YTHDC2: variants seen among roughly 807,000 people sequenced by gnomAD.
The protein encoded by YTHDC2 is YTH N6-methyladenosine RNA binding protein C2.
In YTHDC2, 45 loss-of-function variants were observed where a neutral mutation model predicts 174.9. The observed-to-expected ratio is 0.26, with a 90% CI of 0.20 to 0.33. The LOEUF (loss-of-function observed/expected upper bound fraction) is 0.33. YTHDC2 is among the 10% of genes least tolerant of loss of function. The probability of loss-of-function intolerance (pLI) is 1.00; values close to 1 mark genes in which losing one functional copy is unlikely to be tolerated. For missense variants in YTHDC2, 1,650 were observed against 1,723.7 expected (o/e 0.96, Z 0.76); for synonymous variants, 657 against 574.5 (o/e 1.14, Z -2.05).
intron 2 of YTHDC2, among the ~76,000 whole-genome samples, chr5:113,523,707 A>G (rs370461658): frequency 2.6e-5 from 4 of 152,132 alleles, no homozygotes; most frequent in African/African-American, 9.6e-5. Context: ...AAAAACCTTG[A>G]TAAATTGGAA....
chr5:113,524,006 A>C (rs1426248302), intron 2 of YTHDC2, among the ~76,000 whole-genome samples: 1 of 152,126 alleles, frequency 6.6e-6, no homozygotes. Context: ...ATTTATTTAG[A>C]GTCTACTCTG....
chr5:113,514,245 C>G, intron 1 of YTHDC2, 163 bp downstream of exon 1: 3 of 867,108 alleles, frequency 3.5e-6, no homozygotes, highest in Non-Finnish European at 5.6e-6. Flanking sequence ...GGGTCTGGAA[C>G]GCGGCTGTTG....
At chr5:113,560,978 T>C (rs1353157498) in intron 17 of YTHDC2, 102 bp from the exon 18 acceptor site, 1 of 982,682 alleles carries the variant, frequency 1.0e-6, no homozygotes. Context: ...TCAGGTATCC[T>C]GATCCTGGAT....
chr5:113,548,899 C>A, intron 11 of YTHDC2, 56 bp from the exon 12 acceptor site: 1 of 1,534,132 alleles, frequency 6.5e-7, no homozygotes, highest in Non-Finnish European at 8.9e-7. Flanking sequence ...CCAGGCTCAT[C>A]ATGAACTAGT....
chr5:113,574,513 C>G (rs767669949), intron 23 of YTHDC2, among the ~76,000 whole-genome samples: 148 of 152,162 alleles, frequency 9.7e-4, no homozygotes, highest in Non-Finnish European at 1.8e-3. Context: ...GGTGGGAACC[C>G]TTCCTCATCC....
intron 12 of YTHDC2, 68 bp downstream of exon 12, chr5:113,549,088 T>C: frequency 7.4e-7 from 1 of 1,356,754 alleles, no homozygotes; most frequent in South Asian, 1.2e-5. Flanking sequence ...ATATAAATTA[T>C]GGGCTATTCA....
chr5:113,531,429 A>G (rs994793012), intron 4 of YTHDC2, among the ~76,000 whole-genome samples: 9 of 152,116 alleles, frequency 5.9e-5, no homozygotes, highest in Non-Finnish European at 4.4e-5. Flanking sequence ...CTAGAGGGTA[A>G]TTGACATTGC....
Position 113,513,947 on chromosome 5 carries a change from G to A in YTHDC2, c.52G>A (p.Gly18Arg), listed in dbSNP as rs1209929997. The change falls in exon 1 of 30, where the codon GGA becomes AGA. Residue 18 changes from glycine to arginine, a missense_variant. Transcript: ENST00000161863. ...SPRQPAPGGG[G>R]GGGPSPCGPG... ...GCGGCAGCCGGCTCCTGGCGGTGGC[G>A]GAGGCGGCGGCCCCTCGCCTTGTGG... is the stretch of plus-strand genomic sequence containing the variant. The A allele has an allele frequency of 9.4e-6, 15 of 1,603,230 alleles. No homozygotes were observed. Among genetic ancestry groups the A allele is most frequent in the East Asian group, 2.2e-5 (1 of 44,526 alleles).
intron 26 of YTHDC2, among the ~76,000 whole-genome samples, chr5:113,586,151 A>G (rs985151290): frequency 5.3e-5 from 8 of 152,074 alleles, no homozygotes; most frequent in Middle Eastern, 3.2e-3. Flanking sequence ...CATTTGCTCC[A>G]TATTCTTGAC....
intron 20 of YTHDC2, among the ~76,000 whole-genome samples, chr5:113,565,135 T>A (rs1777246219): frequency 1.3e-5 from 2 of 152,180 alleles, no homozygotes; most frequent in Admixed American, 1.3e-4. Context: ...AAAATCTAAC[T>A]TTGTTTATGC....
At chr5:113,591,498 T>C (rs1313377736) in intron 27 of YTHDC2, among the ~76,000 whole-genome samples, 1 of 152,192 alleles carries the variant, frequency 6.6e-6, no homozygotes, top group East Asian at 1.9e-4. Context: ...TTACTAATTC[T>C]CAAGTGGATT....
At chr5:113,519,577 C>CACT (rs913805753) in intron 2 of YTHDC2, among the ~76,000 whole-genome samples, 11 of 152,288 alleles carry the variant, frequency 7.2e-5, no homozygotes, top group African/African-American at 2.6e-4. Context: ...CTGCTAAGGT[C>CACT]ACTGCCTAAC....
Position 113,546,039 on chromosome 5 carries a change from C to CCTCATTATTGATTTTTTGAAAATTAAT in YTHDC2, c.1496-2502_1496-2501insCTCATTATTGATTTTTTGAAAATTAAT, listed in dbSNP as rs546478622. ...ACAGGCGTGAGCCACCGCGCCCGGC[C>CCTCATTATTGATTTTTTGAAAATTAAT]TGATCTCCATTTTTAAAAGTAACTT... is the stretch of plus-strand genomic sequence containing the variant. On this transcript the variant is annotated intron_variant, in intron 10 of 29. Coordinates refer to ENST00000161863, the MANE Select transcript of YTHDC2 (RefSeq NM_022828.5). Among the ~76,000 whole-genome samples the CCTCATTATTGATTTTTTGAAAATTAAT allele has an allele frequency of 2.0e-3, 254 of 127,926 alleles. 1 individual carries two copies. The highest frequency in any genetic ancestry group is 3.2e-3 in the Non-Finnish European group (205 of 63,614). The allele number at this position is 127,926 out of a possible 152,430, so 83.9% of individuals were successfully genotyped here.
chr5:113,584,867 C>T (rs1337068766), intron 26 of YTHDC2, among the ~76,000 whole-genome samples: 1 of 149,530 alleles, frequency 6.7e-6, no homozygotes, highest in Non-Finnish European at 1.5e-5. Flanking sequence ...CCTTGAACTC[C>T]TGGGCTCAAG....
intron 26 of YTHDC2, among the ~76,000 whole-genome samples, chr5:113,586,404 G>T (rs1482973854): frequency 1.3e-5 from 2 of 151,986 alleles, no homozygotes; most frequent in East Asian, 3.9e-4. Context: ...TGTATATTCT[G>T]GGTACAAGGC....
chr5:113,523,135 G>C (rs777622783), intron 2 of YTHDC2, among the ~76,000 whole-genome samples: 6 of 152,000 alleles, frequency 3.9e-5, no homozygotes, highest in Non-Finnish European at 5.9e-5. Context: ...TCAGTGTTTA[G>C]TTAATAGATG....
chr5:113,540,840 T>A (rs565095516), intron 8 of YTHDC2, 128 bp from the exon 9 acceptor site: 1 of 789,176 alleles, frequency 1.3e-6, no homozygotes, highest in Non-Finnish European at 1.9e-6. Flanking sequence ...ATATATTTTT[T>A]AAAAGTAACT....
chr5:113,572,121 C>T (rs13171389), intron 23 of YTHDC2, among the ~76,000 whole-genome samples: 14,897 of 152,126 alleles, frequency 0.098, 964 homozygotes, highest in Non-Finnish European at 0.13. Flanking sequence ...TATGAATTTC[C>T]GTCTTAACAC....
chr5:113,550,911 G>T (rs71577453), intron 12 of YTHDC2, among the ~76,000 whole-genome samples: 12,202 of 151,912 alleles, frequency 0.08, 705 homozygotes, highest in Non-Finnish European at 0.11. Context: ...GATATTTAAA[G>T]AAAATTTTGA....
Sources: gnomAD v4.1 joint callset for allele counts (sites outside exome capture counted in the v4.1 genomes callset) on GRCh38, gnomAD v4.1.1 for gene constraint, MANE v1.5 for transcripts, NCBI Gene and HGNC (gene_info 2026-07-23, HGNC 2026-07-21) for gene names.